Variants in MYOM1 observed in about 807,000 individuals in gnomAD.
MYOM1 encodes the protein myomesin-1.
In MYOM1, 164 loss-of-function variants were observed where a neutral mutation model predicts 205.3. The ratio of observed to expected loss-of-function variants is 0.80; its 90% CI spans 0.70 to 0.91. The LOEUF is 0.91. MYOM1 is among the 40% of genes least tolerant of loss of function. The pLI is 0.00. For missense variants in MYOM1, 2,011 were observed against 2,127.3 expected (o/e 0.95, Z 1.08); for synonymous variants, 772 against 789.4 (o/e 0.98, Z 0.37).
the MYOM1 span, among the ~76,000 whole-genome samples, chr18:3,228,599 C>G: frequency 1.3e-5 from 2 of 151,950 alleles, no homozygotes; most frequent in Admixed American, 6.6e-5. This position sits in a 1 kb window ranked among gnomAD's most constrained non-coding sequence, Gnocchi z 4.5. Context: ...TTCCTTTTAA[C>G]AGTTTATAGC....
Position 3,186,319 on chromosome 18 carries a change from C to T in MYOM1, c.929+1161G>A, listed in dbSNP as rs528394771. ...AATAACAGAAAAGAAAGGAGAAGGA[C>T]GCAGACACTCTGGGTGACAGTGACA... On this transcript the variant is annotated intron_variant, in intron 5 of 37. Transcript: ENST00000356443. Among the ~76,000 whole-genome samples, 31 of 152,204 alleles carry T rather than the reference C, an allele frequency of 2.0e-4. No individual in the cohort carries two copies. The East Asian group carries it at 4.6e-3, about 23-fold the overall frequency.
intron 19 of MYOM1, among the ~76,000 whole-genome samples, chr18:3,122,230 TGTCA>T (rs954580722): frequency 8.6e-5 from 13 of 151,322 alleles, no homozygotes; most frequent in Non-Finnish European, 1.5e-4. Flanking sequence ...TGACAAAGAC[TGTCA>T]GGGAGGAAAA....
rs2079932306 is a variant in MYOM1, at chr18:3,134,782, G to A, written c.2252C>T (p.Thr751Ile). 6.2e-7 allele frequency: 1 copy of A among 1,613,918 alleles called. No homozygotes were observed. Among genetic ancestry groups the A allele is most frequent in the Non-Finnish European group, 8.5e-7 (1 of 1,179,860 alleles). The change falls in exon 16 of 38, where the codon ACA becomes ATA. Residue 751 changes from threonine to isoleucine, a missense_variant. Thr to Ile is a moderately conservative substitution (Grantham distance 89). Coordinates refer to ENST00000356443, the MANE Select transcript of MYOM1 (RefSeq NM_003803.4). ...CCACGAAACTACCACTGAGGTGTCT[G>A]TGTTTCTGCTTGGGATGATTTTGCC... ...APGKIIPSRN[T>I]DTSVVVSWEE... is the part of the protein sequence containing the mutation.
At chr18:3,198,720 T>A (rs1358443364) in intron 2 of MYOM1, among the ~76,000 whole-genome samples, 2 of 151,090 alleles carry the variant, frequency 1.3e-5, no homozygotes, top group Middle Eastern at 3.2e-3. Flanking sequence ...AAGAGGGAGG[T>A]TGCAGTGAGC....
chr18:3,072,282 C>G (rs1393568337), intron 36 of MYOM1, among the ~76,000 whole-genome samples: 2 of 150,660 alleles, frequency 1.3e-5, no homozygotes, highest in African/African-American at 4.9e-5. Flanking sequence ...AACTCCTGAC[C>G]TCGTGATCCA....
intron 2 of MYOM1, among the ~76,000 whole-genome samples, chr18:3,205,899 G>C (rs939088959): frequency 1.3e-5 from 2 of 152,086 alleles, no homozygotes; most frequent in Non-Finnish European, 2.9e-5. Context: ...GCAAAATACT[G>C]TGTTTGGCAC....
rs190561701 is a variant in MYOM1, at chr18:3,210,959, A to G, written c.290+3975T>C. Among the ~76,000 whole-genome samples, 13 of 152,336 alleles carry G rather than the reference A, an allele frequency of 8.5e-5. No homozygotes were observed. In the East Asian group the frequency reaches 2.3e-3, roughly 27 times the overall value. ...AAGACTCAGTGGTATAGAGAATGCA[A>G]TGCTGAATTACGTCATATAGGCTGA... On this transcript the variant is annotated intron_variant, in intron 2 of 37. Transcript: ENST00000356443.
At chr18:3,145,818 T>C (rs552648760) in intron 13 of MYOM1, among the ~76,000 whole-genome samples, 43 of 151,832 alleles carry the variant, frequency 2.8e-4, no homozygotes, top group African/African-American at 9.9e-4. Context: ...AAGAAAAATA[T>C]AGAAAATCAA....
intron 18 of MYOM1, among the ~76,000 whole-genome samples, chr18:3,128,855 A>G (rs562938018): frequency 6.6e-6 from 1 of 152,156 alleles, no homozygotes; most frequent in Non-Finnish European, 1.5e-5. Flanking sequence ...TCTCCTCTAC[A>G]TGTTCCAAAC....
chr18:3,112,304 G>T lies in MYOM1; in HGVS notation c.3412C>A (p.Arg1138Ser). ...DLAGPVVAET[R>S]PGTKEVVVNV... is the part of the protein sequence containing the mutation. ...TGAAAAGGTGAAAGCCCACCTGGAC[G>T]GGTCTCTGCCACAACAGGGCCAGCA... Residue 1138 changes from arginine (R) to serine (S), a missense_variant, in exon 22 of 38, where the codon CGT (arginine) becomes AGT (serine). Arg to Ser is a moderately radical substitution (Grantham distance 110). Coordinates refer to ENST00000356443, the MANE Select transcript of MYOM1 (RefSeq NM_003803.4). 6.2e-7 allele frequency: 1 copy of T among 1,612,990 alleles called. No individual in the cohort carries two copies. Among genetic ancestry groups the T allele is most frequent in the Middle Eastern group, 1.7e-4 (1 of 6,054 alleles).
At chr18:3,144,829 TG>T (rs914902999) in intron 13 of MYOM1, among the ~76,000 whole-genome samples, 4 of 152,128 alleles carry the variant, frequency 2.6e-5, no homozygotes, top group African/African-American at 9.7e-5. Context: ...ATGAAGAAAC[TG>T]GTAGAACTGC....
At chr18:3,188,666 TACAC>T (rs144550875) in intron 4 of MYOM1, 78 bp downstream of exon 4, 13,332 of 1,082,918 alleles carry the variant, frequency 0.012, 2 homozygotes, top group East Asian at 0.026. Flanking sequence ...AATCTATATC[TACAC>T]ACACACACAC....
rs1202625245 is a variant in MYOM1, at chr18:3,071,852, G to C, written c.4746C>G (p.Val1582=). Residue 1582 remains valine, a synonymous_variant, in exon 37 of 38, where the codon GTC becomes GTG. Coordinates refer to ENST00000356443, the MANE Select transcript of MYOM1 (RefSeq NM_003803.4). ...TGCTTACCTTCCCCTCCTGGATGGT[G>C]ACCACGTCTGGGAGACCTCCCAACA... is the stretch of plus-strand genomic sequence containing the variant. ...ARVLGGLPDV[V]TIQEGKALNL... 10 of 1,604,174 alleles carry C rather than the reference G, an allele frequency of 6.2e-6. No individual in the cohort carries two copies. The South Asian group carries it at 1.1e-4, about 18-fold the overall frequency.
the MYOM1 span, among the ~76,000 whole-genome samples, chr18:3,240,904 CTA>C: frequency 6.6e-6 from 1 of 152,146 alleles, no homozygotes; most frequent in Admixed American, 6.5e-5. Context: ...GTGACTCTTG[CTA>C]TGTTTTAGCA....
chr18:3,075,355 T>G (rs2079009283), intron 36 of MYOM1, 99 bp downstream of exon 36: 9 of 1,183,330 alleles, frequency 7.6e-6, no homozygotes, highest in Middle Eastern at 2.3e-4. Context: ...AAAAAACCAC[T>G]TCCATTCTCC....
intron 12 of MYOM1, among the ~76,000 whole-genome samples, chr18:3,151,436 AATAAAATAAAAT>A (rs1205214044): frequency 1.3e-4 from 20 of 149,298 alleles, no homozygotes; most frequent in African/African-American, 4.9e-4. Context: ...TTCTGAATAA[AATAAAATAAAAT>A]ATAAAATAAT....
At chr18:3,160,633 A>T (rs2080378160) in intron 10 of MYOM1, among the ~76,000 whole-genome samples, 1 of 152,218 alleles carries the variant, frequency 6.6e-6, no homozygotes, top group Non-Finnish European at 1.5e-5. Flanking sequence ...AATATATATC[A>T]TTTAAAATAC....
intron 5 of MYOM1, among the ~76,000 whole-genome samples, chr18:3,184,922 A>G (rs1428566609): frequency 6.6e-6 from 1 of 152,194 alleles, no homozygotes; most frequent in Non-Finnish European, 1.5e-5. Flanking sequence ...TAAACTTCAC[A>G]TGTAAAGGAT....
chr18:3,205,510 A>T (rs1396104634), intron 2 of MYOM1, among the ~76,000 whole-genome samples: 1 of 152,226 alleles, frequency 6.6e-6, no homozygotes, highest in Admixed American at 6.5e-5. Flanking sequence ...TCAAAACCAC[A>T]ACAAAACTCT....
Sources: gnomAD v4.1 joint callset for allele counts (sites outside exome capture counted in the v4.1 genomes callset) on GRCh38, gnomAD v4.1.1 for gene constraint, Gnocchi (gnomAD v3.1) non-coding constraint, MANE v1.5 for transcripts, NCBI Gene and HGNC (gene_info 2026-07-23, HGNC 2026-07-21) for gene names.